TXLNB: variants seen among roughly 807,000 people sequenced by gnomAD.
TXLNB encodes the protein taxilin beta, also known as beta-taxilin.
TXLNB carries 37 observed loss-of-function variants against 57.4 expected under a neutral mutation model. The observed-to-expected ratio is 0.64, with a 90% CI of 0.50 to 0.85. TXLNB has a LOEUF of 0.85. TXLNB is among the 40% of genes least tolerant of loss of function. TXLNB has a pLI of 0.00. For missense variants in TXLNB, 848 were observed against 825.6 expected (o/e 1.03, Z -0.33); for synonymous variants, 302 against 309.6 (o/e 0.98, Z 0.26).
At chr6:139,201,321 A>C in the TXLNB span, among the ~76,000 whole-genome samples, 1 of 152,226 alleles carries the variant, frequency 6.6e-6, no homozygotes, top group African/African-American at 2.4e-5. Context: ...GAAGCTCCAC[A>C]TCACCAAACT....
intron 2 of TXLNB, 51 bp downstream of exon 2, chr6:139,288,425 T>C (rs1344110048): frequency 2.6e-6 from 4 of 1,548,892 alleles, no homozygotes; most frequent in African/African-American, 1.4e-5. Flanking sequence ...AAGTGCCCCT[T>C]TTTTAGGAAT....
chr6:139,237,349 A>G (rs1562266653), downstream of TXLNB: 1 of 151,924 alleles, frequency 6.6e-6, no homozygotes, highest in African/African-American at 2.4e-5. Context: ...AAGATACAAA[A>G]TATCTTTATT....
the TXLNB span, among the ~76,000 whole-genome samples, chr6:139,160,323 T>G: frequency 5.9e-5 from 9 of 152,226 alleles, no homozygotes; most frequent in Non-Finnish European, 1.3e-4. Context: ...CAGTTTAGAT[T>G]AATGCGCCAA....
rs1775900014 is a variant in TXLNB at position 139,240,220 on chromosome 6, G to A, written c.*2306C>T. 6.6e-6 allele frequency: 1 copy of A among 152,572 alleles called. No individual in the cohort carries two copies. The highest frequency in any genetic ancestry group is 1.5e-5 in the Non-Finnish European group (1 of 68,022). The allele number at this position is 152,572 out of a possible 1,614,324, so 9.5% of individuals were successfully genotyped here. On this transcript the variant is annotated 3_prime_UTR_variant, in exon 10 of 10. Coordinates refer to ENST00000358430, the MANE Select transcript of TXLNB (RefSeq NM_153235.4). The stretch of plus-strand genomic sequence containing the variant: ...ATTCCTTCTGAATTTAGAACTTTAT[G>A]AGTTATTGTTATAATTAGTAAGGCT...
the TXLNB span, among the ~76,000 whole-genome samples, chr6:139,221,181 C>T: frequency 7.4e-4 from 113 of 152,248 alleles, 1 homozygote; most frequent in African/African-American, 2.4e-3. Flanking sequence ...GAGGATGAGA[C>T]GCTAAGCAAA....
chr6:139,213,305 A>T, the TXLNB span, among the ~76,000 whole-genome samples: 2 of 152,212 alleles, frequency 1.3e-5, no homozygotes, highest in Non-Finnish European at 2.9e-5. Flanking sequence ...ATCAAACTAG[A>T]ACTCAGGATT....
upstream of TXLNB, among the ~76,000 whole-genome samples, chr6:139,294,589 T>C (rs950441968): frequency 6.6e-5 from 10 of 151,768 alleles, no homozygotes; most frequent in Non-Finnish European, 5.9e-5. Context: ...CCCTCTGCCA[T>C]GTGAGGGTGC....
chr6:139,192,375 T>C, the TXLNB span, among the ~76,000 whole-genome samples: 1 of 152,226 alleles, frequency 6.6e-6, no homozygotes, highest in African/African-American at 2.4e-5. Flanking sequence ...CTATTTAAAT[T>C]GCAACCCTTT....
chr6:139,184,855 G>A, the TXLNB span, among the ~76,000 whole-genome samples: 3 of 152,170 alleles, frequency 2.0e-5, no homozygotes, highest in East Asian at 1.9e-4. Flanking sequence ...GTTCCATATA[G>A]TCTTGGAAAA....
the TXLNB span, among the ~76,000 whole-genome samples, chr6:139,208,865 C>T: frequency 1.3e-5 from 2 of 152,124 alleles, no homozygotes; most frequent in East Asian, 1.9e-4. Flanking sequence ...AAGCATTCCC[C>T]TTGAGAACTG....
the TXLNB span, among the ~76,000 whole-genome samples, chr6:139,209,425 C>T: frequency 6.6e-6 from 1 of 152,280 alleles, no homozygotes; most frequent in Non-Finnish European, 1.5e-5. Flanking sequence ...CATCCTACTT[C>T]ACAGAACTAG....
the TXLNB span, among the ~76,000 whole-genome samples, chr6:139,173,147 C>G: frequency 6.6e-6 from 1 of 152,138 alleles, no homozygotes; most frequent in South Asian, 2.1e-4. Context: ...CATGTGAGAC[C>G]CTTTTATTTT....
chr6:139,299,497 C>G, the TXLNB span, among the ~76,000 whole-genome samples: 1 of 152,214 alleles, frequency 6.6e-6, no homozygotes, highest in African/African-American at 2.4e-5. Flanking sequence ...TGGTTTTGGA[C>G]TGGGACCTCC....
chr6:139,221,920 T>G, the TXLNB span, among the ~76,000 whole-genome samples: 7 of 152,000 alleles, frequency 4.6e-5, no homozygotes, highest in East Asian at 1.9e-4. Context: ...AAGTCAGAGA[T>G]GAATGTTGAA....
upstream of TXLNB, among the ~76,000 whole-genome samples, chr6:139,296,934 A>G (rs2114668881): frequency 6.6e-6 from 1 of 152,242 alleles, no homozygotes; most frequent in East Asian, 1.9e-4. Context: ...CCAACAAACC[A>G]TCCTACTATT....
At chr6:139,179,934 AAG>A in the TXLNB span, 19 of 152,166 alleles carry the variant, frequency 1.2e-4, no homozygotes, top group Non-Finnish European at 2.4e-4. Flanking sequence ...ATTTATTTTT[AAG>A]AGTTTTATAC....
the TXLNB span, among the ~76,000 whole-genome samples, chr6:139,214,212 T>C: frequency 6.6e-6 from 1 of 152,136 alleles, no homozygotes. Flanking sequence ...TGATGAACAT[T>C]GATGCAAAAA....
At chr6:139,212,328 A>G in the TXLNB span, among the ~76,000 whole-genome samples, 2 of 152,182 alleles carry the variant, frequency 1.3e-5, no homozygotes, top group East Asian at 3.8e-4. Flanking sequence ...AATATTCAAC[A>G]TTCTTAAAGA....
the TXLNB span, among the ~76,000 whole-genome samples, chr6:139,316,805 G>A: frequency 6.6e-6 from 1 of 152,300 alleles, no homozygotes; most frequent in South Asian, 2.1e-4. Flanking sequence ...TTCTTTGTGG[G>A]TTGTCCTTTC....
Sources: allele counts gnomAD v4.1 joint callset (sites outside exome capture counted in the v4.1 genomes callset), GRCh38; gene constraint gnomAD v4.1.1; transcripts MANE v1.5; gene names NCBI Gene and HGNC (gene_info 2026-07-23, HGNC 2026-07-21).